The following SCAMP5 variants were observed in gnomAD, a reference collection of about 807,000 sequenced individuals.
The protein encoded by SCAMP5 is secretory carrier-associated membrane protein 5.
Under a neutral mutation model 28.3 loss-of-function variants are expected in SCAMP5, and 7 were observed. That is an observed-to-expected ratio of 0.25 (90% confidence interval 0.14 to 0.46). SCAMP5 has a LOEUF of 0.46. Among genes scored for constraint, SCAMP5 ranks in the 20% least tolerant of loss-of-function variants. SCAMP5 has a pLI of 0.99. For synonymous variants in SCAMP5, 117 were observed against 116.4 expected, an observed-to-expected ratio of 1.00 and a Z score of -0.03; for missense variants, 192 against 312.5, an observed-to-expected ratio of 0.61 and a Z score of 2.91.
At position 75,018,899 on chromosome 15, in the gene SCAMP5, C is replaced by T. The variant is rs1257126613; in HGVS notation, c.624C>T (p.Ala208=). ...PHVQQAAQNA[A]MGAAQGAMNQ... is the part of the protein sequence containing the mutation. ...TGCAGCAGGCAGCCCAGAACGCAGC[C>T]ATGGGGGCAGCCCAGGGTGCCATGA... The change falls in exon 7 of 7, where the codon GCC becomes GCT. Residue 208 remains alanine (A), a synonymous_variant. Transcript: ENST00000425597. This position sits in a 1 kb window ranked among gnomAD's most constrained non-coding sequence, Gnocchi z 5.6. 1.9e-6 allele frequency: 3 copies of T among 1,584,908 alleles called. No individual in the cohort carries two copies. The highest frequency in any genetic ancestry group is 2.6e-6 in the Non-Finnish European group (3 of 1,172,188).
In SCAMP5 at chr15:75,005,981, C is replaced by CTTTTTTTTTTTTTTT. The variant is rs527501720; in HGVS notation, c.-48-5804_-48-5790dup. On this transcript the variant is annotated intron_variant, in intron 1 of 6. Transcript: ENST00000425597. ...CCTCAAGTGATCCGCCTCGGCCTCC[C>CTTTTTTTTTTTTTTT]TTTTTTTTTTTTTTTTTTTTTGCTT... Among the ~76,000 whole-genome samples the CTTTTTTTTTTTTTTT allele has an allele frequency of 2.6e-4, 21 of 81,012 alleles. 1 individual carries two copies. Among genetic ancestry groups the CTTTTTTTTTTTTTTT allele is most frequent in the East Asian group, 9.5e-4 (2 of 2,110 alleles). 53.1% of individuals were successfully genotyped at this position (81,012 alleles called of 152,430 possible). A position where few individuals can be genotyped will look rare whatever the true frequency, so the allele number is the denominator to read the frequency against.
chr15:75,010,857 G>A (rs2065805085), intron 1 of SCAMP5, among the ~76,000 whole-genome samples: 1 of 152,174 alleles, frequency 6.6e-6, no homozygotes, highest in South Asian at 2.1e-4. Flanking sequence ...CTAGAAGGCT[G>A]TTTTGCCCGG....
chr15:75,012,883 G>C (rs1336287789), intron 3 of SCAMP5, 78 bp downstream of exon 3: 1 of 1,413,978 alleles, frequency 7.1e-7, no homozygotes, highest in Admixed American at 1.7e-5. Context: ...AGCGGGGTGG[G>C]GTGCCCACAG....
chr15:75,013,069 C>CT (rs1322397358), intron 3 of SCAMP5: 1 of 506,954 alleles, frequency 2.0e-6, no homozygotes, highest in African/African-American at 1.9e-5. Context: ...TTTCACAGAG[C>CT]ATCTGGACAG....
At chr15:75,013,696 C>T (rs2065834353) in intron 3 of SCAMP5, among the ~76,000 whole-genome samples, 1 of 152,050 alleles carries the variant, frequency 6.6e-6, no homozygotes, top group South Asian at 2.1e-4. Context: ...GGAATAGTGG[C>T]ACATGCCTGT....
rs2065655715 is a variant in SCAMP5, at chr15:74,996,522, T to C, written c.-49+849T>C. On this transcript the variant is annotated intron_variant, in intron 1 of 6. Coordinates refer to ENST00000425597, the MANE Select transcript of SCAMP5 (RefSeq NM_138967.4). The surrounding 1 kb of genome is among the most constrained non-coding windows in gnomAD (Gnocchi z 4.1). ...CACAGAGAGAAAGGGAGGCGACAGC[T>C]AGCGAATAGGAGACTTCCAGAGGTG... Among the ~76,000 whole-genome samples, 1 of 152,102 alleles carries C rather than the reference T, an allele frequency of 6.6e-6. No individual in the cohort carries two copies. The highest frequency in any genetic ancestry group is 1.9e-4 in the East Asian group (1 of 5,184).
intron 3 of SCAMP5, among the ~76,000 whole-genome samples, chr15:75,013,785 G>A (rs1465629374): frequency 1.3e-5 from 2 of 152,296 alleles, no homozygotes; most frequent in East Asian, 3.9e-4. Context: ...CTATGATCAT[G>A]CTACTGCACT....
intron 3 of SCAMP5, among the ~76,000 whole-genome samples, chr15:75,014,622 T>C (rs1326318008): frequency 6.6e-6 from 1 of 152,006 alleles, no homozygotes; most frequent in East Asian, 1.9e-4. Context: ...CTAGGGTGAG[T>C]GTGGCCAGAA....
chr15:75,017,156 C>T (rs911073630), intron 4 of SCAMP5, among the ~76,000 whole-genome samples: 1 of 152,080 alleles, frequency 6.6e-6, no homozygotes, highest in Non-Finnish European at 1.5e-5. Context: ...CCAATGGGAC[C>T]AGCCAGCCAT....
chr15:75,012,539 G>A (rs2141447548), intron 2 of SCAMP5, 138 bp from the exon 3 acceptor site: 1 of 937,370 alleles, frequency 1.1e-6, no homozygotes, highest in Non-Finnish European at 1.7e-6. Flanking sequence ...CGGGGAGGTA[G>A]GGACGGCTGG....
At chr15:75,004,067 G>A (rs2065733759) in intron 1 of SCAMP5, among the ~76,000 whole-genome samples, 1 of 151,710 alleles carries the variant, frequency 6.6e-6, no homozygotes. Flanking sequence ...ACCATGCCCG[G>A]CTAATTTTGT....
intron 1 of SCAMP5, among the ~76,000 whole-genome samples, chr15:75,004,454 G>T (rs192170609): frequency 6.6e-6 from 1 of 152,164 alleles, no homozygotes; most frequent in African/African-American, 2.4e-5. Context: ...CTACAGGCCG[G>T]CATGGTGGCT....
At position 75,018,693 on chromosome 15, in the gene SCAMP5, A is replaced by G. The variant is rs2065879966; in HGVS notation, c.514-96A>G. On this transcript the variant is annotated intron_variant, in intron 6 of 6. Transcript: ENST00000425597. This position sits in a 1 kb window ranked among gnomAD's most constrained non-coding sequence, Gnocchi z 5.6. ...CCTACAGAGGCATTCATGGGGAGGG[A>G]GCACTGTTTTTTTTTTACAGATGGG... 8 of 1,059,266 alleles carry G rather than the reference A, an allele frequency of 7.6e-6. No individual in the cohort carries two copies. Among genetic ancestry groups the G allele is most frequent in the Non-Finnish European group, 8.7e-6 (6 of 692,684 alleles). 65.6% of individuals were successfully genotyped at this position (1,059,266 alleles called of 1,614,324 possible).
At chr15:75,015,250 C>T (rs2065848369) in intron 3 of SCAMP5, among the ~76,000 whole-genome samples, 1 of 152,188 alleles carries the variant, frequency 6.6e-6, no homozygotes, top group Admixed American at 6.5e-5. Flanking sequence ...AGCCCTCCTT[C>T]CTTTGTTTAT....
intron 1 of SCAMP5, among the ~76,000 whole-genome samples, chr15:75,003,679 G>A (rs1046900441): frequency 5.3e-5 from 8 of 151,930 alleles, no homozygotes; most frequent in South Asian, 4.2e-4. Context: ...GCATGGTGGC[G>A]CACACCTGTA....
intron 3 of SCAMP5, among the ~76,000 whole-genome samples, chr15:75,013,572 C>T (rs1004573719): frequency 7.2e-5 from 11 of 152,152 alleles, no homozygotes; most frequent in Admixed American, 1.3e-4. Context: ...TGGTGGCTCA[C>T]ACTTGTAGTC....
At position 75,020,954 on chromosome 15, in the gene SCAMP5, G is replaced by A. The variant is rs1473024477; in HGVS notation, c.*1971G>A. On this transcript the variant is annotated 3_prime_UTR_variant, in exon 7 of 7. Transcript: ENST00000425597. ...CCCTGGTACCTGAAAAGGTACCTAG[G>A]TCTAGGCCCTTCTTCCCTTTCCCTT... is the stretch of plus-strand genomic sequence containing the variant. The A allele has an allele frequency of 6.6e-6, 1 of 152,264 alleles. No individual in the cohort carries two copies. Among genetic ancestry groups the A allele is most frequent in the Non-Finnish European group, 1.5e-5 (1 of 68,104 alleles). 9.4% of individuals were successfully genotyped at this position (152,264 alleles called of 1,614,324 possible).
chr15:75,013,983 G>A (rs774840510), intron 3 of SCAMP5, among the ~76,000 whole-genome samples: 3 of 152,080 alleles, frequency 2.0e-5, no homozygotes, highest in Non-Finnish European at 4.4e-5. Flanking sequence ...ACTTGGCTGT[G>A]CTGAGGCTAG....
intron 1 of SCAMP5, among the ~76,000 whole-genome samples, chr15:75,005,444 G>A (rs1254219246): frequency 1.3e-5 from 2 of 149,670 alleles, no homozygotes; most frequent in Admixed American, 1.3e-4. Flanking sequence ...TAGGCAATAA[G>A]AGCGAAACTC....
Sources: allele counts gnomAD v4.1 joint callset (sites outside exome capture counted in the v4.1 genomes callset), GRCh38; gene constraint gnomAD v4.1.1; non-coding constraint Gnocchi (gnomAD v3.1); transcripts MANE v1.5; gene names NCBI Gene and HGNC (gene_info 2026-07-23, HGNC 2026-07-21).